The following TMTC2 variants were observed in gnomAD, a reference collection of about 807,000 sequenced individuals.
The protein encoded by TMTC2 is transmembrane O-mannosyltransferase targeting cadherins 2.
TMTC2 carries 43 observed loss-of-function variants against 82.4 expected under a neutral mutation model. The observed-to-expected ratio is 0.52, with a 90% CI of 0.41 to 0.67. TMTC2 has a LOEUF of 0.67. Ranked by LOEUF, TMTC2 falls within the 30% of genes least tolerant of loss-of-function variation. The pLI is 0.00. For synonymous variants in TMTC2, 408 were observed against 381.9 expected (o/e 1.07, Z -0.80); for missense variants, 919 against 1,012.4 (o/e 0.91, Z 1.25).
chr12:83,085,419 A>G (rs1369356067), intron 11 of TMTC2, among the ~76,000 whole-genome samples: 1 of 152,140 alleles, frequency 6.6e-6, no homozygotes, highest in Non-Finnish European at 1.5e-5. Flanking sequence ...GCTACAAACC[A>G]TTTTACATCC....
At chr12:82,946,784 C>A (rs1241062718) in intron 4 of TMTC2, among the ~76,000 whole-genome samples, 2 of 150,612 alleles carry the variant, frequency 1.3e-5, no homozygotes, top group Non-Finnish European at 3.0e-5. Flanking sequence ...CTCTGTCGCC[C>A]AGGGTGAAGT....
intron 9 of TMTC2, among the ~76,000 whole-genome samples, chr12:83,045,707 T>TCACACACACACACATACACACACA (rs1882075206): frequency 8.1e-6 from 1 of 122,706 alleles, no homozygotes; most frequent in Admixed American, 8.0e-5. Context: ...AAGGGCTCCT[T>TCACACACACACACATACACACACA]CACACACACA....
chr12:82,926,271 G>C (rs1398943465), intron 3 of TMTC2, among the ~76,000 whole-genome samples: 2 of 152,052 alleles, frequency 1.3e-5, no homozygotes, highest in Admixed American at 1.3e-4. Context: ...TAGCCACTGC[G>C]CCCGGCCACG....
chr12:82,688,600 T>A (rs929440261), intron 1 of TMTC2, among the ~76,000 whole-genome samples: 2 of 152,332 alleles, frequency 1.3e-5, no homozygotes, highest in African/African-American at 4.8e-5. Context: ...TGATTACAAT[T>A]AAAACAGATG....
chr12:82,979,381 T>C (rs947178028), intron 7 of TMTC2, among the ~76,000 whole-genome samples: 3 of 151,772 alleles, frequency 2.0e-5, no homozygotes, highest in African/African-American at 7.2e-5. Flanking sequence ...TTGCAAATAA[T>C]ATTTCATAAC....
intron 1 of TMTC2, among the ~76,000 whole-genome samples, chr12:82,765,840 T>C (rs1876928642): frequency 6.6e-6 from 1 of 152,234 alleles, no homozygotes; most frequent in African/African-American, 2.4e-5. Flanking sequence ...GAAGAATCTA[T>C]GTATTAAAAG....
intron 1 of TMTC2, among the ~76,000 whole-genome samples, chr12:82,781,969 G>C (rs1037896634): frequency 3.9e-5 from 6 of 151,960 alleles, no homozygotes; most frequent in African/African-American, 1.4e-4. Context: ...CTTCCCCAAA[G>C]ACCACATTGG....
At chr12:83,030,944 A>C in intron 9 of TMTC2, 65 bp downstream of exon 9, 1 of 1,228,140 alleles carries the variant, frequency 8.1e-7, no homozygotes, top group East Asian at 2.3e-5. Flanking sequence ...TATGAGATCT[A>C]GGCTTTGCTG....
intron 3 of TMTC2, among the ~76,000 whole-genome samples, chr12:82,902,541 C>T (rs931491932): frequency 9.9e-5 from 15 of 152,154 alleles, no homozygotes; most frequent in Admixed American, 2.0e-4. Flanking sequence ...GTGACAACTT[C>T]ACATTCTTTA....
intron 7 of TMTC2, among the ~76,000 whole-genome samples, chr12:82,980,527 G>T (rs1383102297): frequency 2.0e-5 from 3 of 151,720 alleles, no homozygotes; most frequent in Non-Finnish European, 4.4e-5. Context: ...GCAATGAGAT[G>T]CTTTCAGTGT....
chr12:83,104,445 C>T (rs1471609664), intron 11 of TMTC2, among the ~76,000 whole-genome samples: 3 of 152,168 alleles, frequency 2.0e-5, no homozygotes, highest in Non-Finnish European at 4.4e-5. Context: ...GTGCAGGCTG[C>T]CAAGCTTTCC....
chr12:82,808,256 AAAAG>A (rs2137045867), intron 1 of TMTC2, among the ~76,000 whole-genome samples: 2 of 152,128 alleles, frequency 1.3e-5, no homozygotes, highest in East Asian at 3.9e-4. Flanking sequence ...ATGTTTCAGA[AAAAG>A]AAATATGGTG....
intron 3 of TMTC2, among the ~76,000 whole-genome samples, chr12:82,904,216 A>G (rs1414552401): frequency 2.6e-5 from 4 of 152,156 alleles, no homozygotes; most frequent in African/African-American, 4.8e-5. Context: ...TTATGTATGT[A>G]TGGTTTTCTG....
At chr12:82,881,060 A>G (rs1175855383) in intron 2 of TMTC2, among the ~76,000 whole-genome samples, 1 of 152,196 alleles carries the variant, frequency 6.6e-6, no homozygotes, top group Non-Finnish European at 1.5e-5. Flanking sequence ...TAATGAAAAA[A>G]ATACGAGATT....
At chr12:82,732,798 A>G (rs555954220) in intron 1 of TMTC2, among the ~76,000 whole-genome samples, 1 of 152,342 alleles carries the variant, frequency 6.6e-6, no homozygotes, top group Admixed American at 6.5e-5. Context: ...TCTAATTTGA[A>G]ACATCCTGGC....
intron 11 of TMTC2, among the ~76,000 whole-genome samples, chr12:83,085,443 C>T (rs74737261): frequency 0.017 from 2,658 of 152,200 alleles, 78 homozygotes; most frequent in African/African-American, 0.06. Flanking sequence ...ATTTTTCTTT[C>T]GGATTTCATT....
chr12:82,824,195 A>G (rs981269205), intron 1 of TMTC2, among the ~76,000 whole-genome samples: 8 of 152,330 alleles, frequency 5.3e-5, no homozygotes, highest in African/African-American at 1.7e-4. Flanking sequence ...CGCCTGGCCT[A>G]TTCCATTTCT....
chr12:82,739,654 AT>A (rs1875298694), intron 1 of TMTC2, among the ~76,000 whole-genome samples: 1 of 151,454 alleles, frequency 6.6e-6, no homozygotes, highest in Non-Finnish European at 1.5e-5. Context: ...TCTATAAGAC[AT>A]TTTACAATCA....
rs1885364092 is a variant in TMTC2 at position 83,134,274 on chromosome 12, A to C, written c.*1885A>C. On this transcript the variant is annotated 3_prime_UTR_variant, in exon 12 of 12. Coordinates refer to ENST00000321196, the MANE Select transcript of TMTC2 (RefSeq NM_152588.3). The stretch of plus-strand genomic sequence containing the variant: ...GGTTGAAGTGTATTATTCATCTTTT[A>C]GTGCATTGGCAATTGCAAAAAAAAA... 6.7e-6 allele frequency: 1 copy of C among 148,186 alleles called. No homozygotes were observed. Among genetic ancestry groups the C allele is most frequent in the Non-Finnish European group, 1.5e-5 (1 of 67,156 alleles). 9.2% of individuals were successfully genotyped at this position (148,186 alleles called of 1,614,324 possible). A position where few individuals can be genotyped will look rare whatever the true frequency, so the allele number is the denominator to read the frequency against.
Sources: allele counts gnomAD v4.1 joint callset (sites outside exome capture counted in the v4.1 genomes callset), GRCh38; gene constraint gnomAD v4.1.1; transcripts MANE v1.5; gene names NCBI Gene and HGNC (gene_info 2026-07-23, HGNC 2026-07-21).